The following GRM1 variants were observed in gnomAD, a reference collection of about 807,000 sequenced individuals.
GRM1 encodes the protein metabotropic glutamate receptor 1.
Under a neutral mutation model 90.9 loss-of-function variants are expected in GRM1, and 33 were observed. The ratio of observed to expected loss-of-function variants is 0.36; its 90% confidence interval spans 0.28 to 0.49. GRM1 has a LOEUF of 0.49. GRM1 is among the 20% of genes least tolerant of loss of function. The pLI is 0.99. For missense variants in GRM1, 1,190 were observed against 1,534.3 expected, an observed-to-expected ratio of 0.78 and a Z score of 3.75; for synonymous variants, 700 against 613.2, an observed-to-expected ratio of 1.14 and a Z score of -2.09.
intron 2 of GRM1, among the ~76,000 whole-genome samples, chr6:146,164,898 T>G (rs1583098113): frequency 6.6e-6 from 1 of 152,248 alleles, no homozygotes; most frequent in Admixed American, 6.5e-5. Flanking sequence ...TTTATATATT[T>G]GCTAGCCCTT....
chr6:146,087,465 C>T (rs754900920), intron 1 of GRM1, among the ~76,000 whole-genome samples: 2 of 152,010 alleles, frequency 1.3e-5, no homozygotes, highest in East Asian at 1.9e-4. Flanking sequence ...TGTGTTTGCG[C>T]GCATGTGTGT....
At chr6:146,145,938 A>G (rs977545739) in intron 1 of GRM1, among the ~76,000 whole-genome samples, 1 of 151,996 alleles carries the variant, frequency 6.6e-6, no homozygotes, top group African/African-American at 2.4e-5. Context: ...ACTAGTGTGC[A>G]AAGGACACTG....
intron 1 of GRM1, among the ~76,000 whole-genome samples, chr6:146,137,697 T>C (rs933088743): frequency 1.3e-5 from 2 of 152,154 alleles, no homozygotes; most frequent in Admixed American, 1.3e-4. Flanking sequence ...GTGAAGAACA[T>C]TGTTGGTATT....
intron 5 of GRM1, among the ~76,000 whole-genome samples, chr6:146,375,669 T>C (rs918786305): frequency 1.3e-5 from 2 of 152,140 alleles, no homozygotes; most frequent in African/African-American, 4.8e-5. Flanking sequence ...TCTCTTCTTA[T>C]AGTTTTTGTG....
At chr6:146,132,965 G>A (rs187227687) in intron 1 of GRM1, among the ~76,000 whole-genome samples, 1 of 152,294 alleles carries the variant, frequency 6.6e-6, no homozygotes, top group Non-Finnish European at 1.5e-5. Flanking sequence ...TTGATTCATA[G>A]GATGTAATAG....
At chr6:146,259,400 G>A (rs4463277) in intron 2 of GRM1, among the ~76,000 whole-genome samples, 31,733 of 152,012 alleles carry the variant, frequency 0.21, 7,324 homozygotes, top group African/African-American at 0.58. Flanking sequence ...GTTGTACATT[G>A]GATGTTTAGA....
intron 6 of GRM1, among the ~76,000 whole-genome samples, chr6:146,397,417 T>A (rs1776990457): frequency 7.5e-6 from 1 of 132,784 alleles, no homozygotes; most frequent in South Asian, 2.3e-4. Flanking sequence ...GAGCTTGCAG[T>A]GAGCTGAGAT....
chr6:146,296,128 A>G, intron 2 of GRM1, among the ~76,000 whole-genome samples: 1 of 152,192 alleles, frequency 6.6e-6, no homozygotes, highest in East Asian at 1.9e-4. Flanking sequence ...ATAGATGGGC[A>G]CTTAGATTGA....
At chr6:146,338,818 G>A (rs949859385) in intron 3 of GRM1, among the ~76,000 whole-genome samples, 5 of 152,100 alleles carry the variant, frequency 3.3e-5, no homozygotes, top group East Asian at 1.9e-4. Flanking sequence ...CTCCACACTC[G>A]GTATCTCCTC....
At chr6:146,229,023 A>T (rs775905307) in intron 2 of GRM1, among the ~76,000 whole-genome samples, 1 of 152,132 alleles carries the variant, frequency 6.6e-6, no homozygotes, top group Non-Finnish European at 1.5e-5. Context: ...TAGAGAGTAC[A>T]TAAACATCCT....
At chr6:146,205,929 G>C (rs1779479543) in intron 2 of GRM1, among the ~76,000 whole-genome samples, 1 of 152,186 alleles carries the variant, frequency 6.6e-6, no homozygotes, top group Non-Finnish European at 1.5e-5. Context: ...TCCCAGGGAG[G>C]CGGGAGCAGA....
chr6:146,161,885 G>A (rs756354456), intron 2 of GRM1, among the ~76,000 whole-genome samples: 2 of 152,230 alleles, frequency 1.3e-5, no homozygotes, highest in Non-Finnish European at 2.9e-5. Context: ...AGCTGAGCTG[G>A]GGACAGAGCC....
chr6:146,317,097 T>C (rs139129408), intron 3 of GRM1, among the ~76,000 whole-genome samples: 53 of 152,314 alleles, frequency 3.5e-4, no homozygotes, highest in African/African-American at 1.2e-3. Flanking sequence ...TAGTCTCTTG[T>C]TTCTTAGCCA....
chr6:146,240,436 G>C (rs559800875), intron 2 of GRM1, among the ~76,000 whole-genome samples: 1 of 151,658 alleles, frequency 6.6e-6, no homozygotes, highest in Non-Finnish European at 1.5e-5. Flanking sequence ...CTGGAAACTG[G>C]TACTATCTGT....
At chr6:146,188,881 C>T (rs927580970) in intron 2 of GRM1, among the ~76,000 whole-genome samples, 3 of 152,192 alleles carry the variant, frequency 2.0e-5, no homozygotes, top group Non-Finnish European at 2.9e-5. Context: ...TCTCTTTTCC[C>T]TGGCTTTCTG....
intron 1 of GRM1, among the ~76,000 whole-genome samples, chr6:146,113,505 T>C (rs1372985846): frequency 1.3e-5 from 2 of 152,202 alleles, no homozygotes; most frequent in Non-Finnish European, 2.9e-5. Context: ...GAAGAAAGTA[T>C]ATGTACTCCT....
At chr6:146,228,967 T>C (rs1780353093) in intron 2 of GRM1, among the ~76,000 whole-genome samples, 1 of 152,136 alleles carries the variant, frequency 6.6e-6, no homozygotes. Flanking sequence ...GGAAACATAA[T>C]CATTATGAAA....
At chr6:146,243,660 G>A (rs777352694) in intron 2 of GRM1, among the ~76,000 whole-genome samples, 3 of 152,048 alleles carry the variant, frequency 2.0e-5, no homozygotes, top group Non-Finnish European at 2.9e-5. Context: ...CACAGGACTG[G>A]GGTGAAATTA....
chr6:146,281,034 G>GTTACCTA (rs1222173565), intron 2 of GRM1, among the ~76,000 whole-genome samples: 1 of 151,968 alleles, frequency 6.6e-6, no homozygotes, highest in Non-Finnish European at 1.5e-5. Flanking sequence ...TTGTTTATAG[G>GTTACCTA]TAACTTACTG....
Sources: gnomAD v4.1 joint callset for allele counts (sites outside exome capture counted in the v4.1 genomes callset) on GRCh38, gnomAD v4.1.1 for gene constraint, MANE v1.5 for transcripts, NCBI Gene and HGNC (gene_info 2026-07-23, HGNC 2026-07-21) for gene names.